Variants in MARS1 observed in about 807,000 individuals in gnomAD.
MARS1 encodes the protein methionyl-tRNA synthetase 1, also known as methionine--tRNA ligase, cytoplasmic.
Under a neutral mutation model 119.5 loss-of-function variants are expected in MARS1, and 80 were observed. The observed-to-expected ratio is 0.67, with a 90% CI of 0.56 to 0.81. MARS1 has a LOEUF of 0.81. MARS1 is among the 30% of genes least tolerant of loss of function. MARS1 has a pLI of 0.00. For missense variants in MARS1, 945 were observed against 1,116.5 expected, an observed-to-expected ratio of 0.85 and a Z score of 2.19; for synonymous variants, 418 against 433.4, an observed-to-expected ratio of 0.96 and a Z score of 0.44.
chr12:57,489,713 G>T, intron 4 of MARS1, 155 bp downstream of exon 4: 1 of 1,178,310 alleles, frequency 8.5e-7, no homozygotes, highest in South Asian at 1.4e-5. Flanking sequence ...ATTTTTTTCA[G>T]TTGTGAAATG....
At chr12:57,492,669 TCACACACACACACACACACACACACACA>T (rs58931225) in intron 7 of MARS1, among the ~76,000 whole-genome samples, 53 of 139,550 alleles carry the variant, frequency 3.8e-4, no homozygotes, top group African/African-American at 1.3e-3. Context: ...CGACTCCATT[TCACACACACACACACACACACACACACA>T]CACACACACA....
Position 57,516,422 on chromosome 12 carries a change from C to T in MARS1, c.2557-13C>T, listed in dbSNP as rs781643044. 2 of 1,612,894 alleles carry T rather than the reference C, an allele frequency of 1.2e-6. No homozygotes were observed. The highest frequency in any genetic ancestry group is 1.3e-5 in the African/African-American group (1 of 74,866). On this transcript the variant is annotated splice_polypyrimidine_tract_variant and intron_variant, in intron 20 of 20. Coordinates refer to ENST00000262027, the MANE Select transcript of MARS1 (RefSeq NM_004990.4). Reference sequence around the variant, plus strand: ...TTGCCTCACTGTTACCTCCCCACCCCCCTTTATCTTAGGGAAACATTGTCC... The same window carrying T: ...TTGCCTCACTGTTACCTCCCCACCCTCCTTTATCTTAGGGAAACATTGTCC...
Position 57,512,905 on chromosome 12 carries a change from G to A in MARS1, c.1908G>A (p.Thr636=), listed in dbSNP as rs529046133. 165 of 1,614,182 alleles carry A rather than the reference G, an allele frequency of 1.0e-4. No individual in the cohort carries two copies. Among genetic ancestry groups the A allele is most frequent in the East Asian group, 3.3e-4 (15 of 44,884 alleles). ...PEGQDSAFSW[T]DLLLKNNSEL... is the part of the protein sequence containing the mutation. ...GCCAGGACAGTGCTTTCTCCTGGAC[G>A]GACCTGCTGCTGAAGAATAATTCTG... The change falls in exon 15 of 21, where the codon ACG becomes ACA. Residue 636 remains threonine (T), a synonymous_variant. Transcript: ENST00000262027.
At chr12:57,515,081 CTAAAGGCA>C in intron 17 of MARS1, 23 bp downstream of exon 17, 1 of 1,613,996 alleles carries the variant, frequency 6.2e-7, no homozygotes, top group South Asian at 1.1e-5. Context: ...GGAGGGTTGG[CTAAAGGCA>C]TAAAGTGGCT....
Position 57,504,220 on chromosome 12 carries a change from C to G in MARS1, c.1294-5C>G, listed in dbSNP as rs149946100. On this transcript the variant is annotated splice_region_variant and splice_polypyrimidine_tract_variant and intron_variant, in intron 10 of 20. Transcript: ENST00000262027. ...TGATCTGTCCTCTGGAATTTTCCTT[C>G]GCAGAAGCCTCAGTGTAAAGTCTGC... The G allele has an allele frequency of 8.7e-6, 14 of 1,613,014 alleles. No homozygotes were observed. In the African/African-American group the frequency reaches 1.5e-4, roughly 17 times the overall value.
chr12:57,498,931 C>T (rs992422067), intron 9 of MARS1, among the ~76,000 whole-genome samples: 1 of 152,128 alleles, frequency 6.6e-6, no homozygotes, highest in Admixed American at 6.6e-5. Flanking sequence ...TCTTCCCACT[C>T]CTGTATGCAT....
chr12:57,492,792 C>T (rs1041351917), intron 7 of MARS1, among the ~76,000 whole-genome samples: 2 of 151,566 alleles, frequency 1.3e-5, no homozygotes, highest in Admixed American at 1.3e-4. Flanking sequence ...GAGGGTGTTT[C>T]AGAGAGAGGA....
rs1027153998 is a variant in MARS1, at chr12:57,515,355, C to G, written c.2391+19C>G. 1.2e-6 allele frequency: 2 copies of G among 1,608,122 alleles called. No individual in the cohort carries two copies. Among genetic ancestry groups the G allele is most frequent in the Non-Finnish European group, 1.7e-6 (2 of 1,178,700 alleles). The stretch of plus-strand genomic sequence containing the variant: ...TGGCACAGTAGGTGGAAGAGCCAGC[C>G]TCTCTTAAAATTGATACTCTTGCCA... On this transcript the variant is annotated intron_variant, in intron 18 of 20. Coordinates refer to ENST00000262027, the MANE Select transcript of MARS1 (RefSeq NM_004990.4).
chr12:57,498,499 C>T lies in MARS1; in HGVS notation c.967C>T (p.Leu323=). The change falls in exon 9 of 21, where the codon CTG becomes TTG. Residue 323 remains leucine, a synonymous_variant. Coordinates refer to ENST00000262027, the MANE Select transcript of MARS1 (RefSeq NM_004990.4). The part of the protein sequence containing the change: ...EYGTATETKA[L]EEGLTPQEIC... ...TGGTACAGCAACAGAGACCAAGGCT[C>T]TGGAGGAGGGACTAACCCCCCAGGA... The T allele has an allele frequency of 6.2e-7, 1 of 1,614,224 alleles. No individual in the cohort carries two copies. The highest frequency in any genetic ancestry group is 1.1e-5 in the South Asian group (1 of 91,080).
At chr12:57,492,299 A>G (rs1433848142) in intron 7 of MARS1, among the ~76,000 whole-genome samples, 2 of 151,360 alleles carry the variant, frequency 1.3e-5, no homozygotes, top group African/African-American at 2.4e-5. Context: ...AAAAAGTCCA[A>G]TGAAGGAAAA....
Position 57,489,981 on chromosome 12 carries a change from G to A in MARS1, c.490+10G>A. 1 of 1,612,774 alleles carries A rather than the reference G, an allele frequency of 6.2e-7. No individual in the cohort carries two copies. Among genetic ancestry groups the A allele is most frequent in the Non-Finnish European group, 8.5e-7 (1 of 1,178,788 alleles). Reference sequence around the variant, plus strand: ...CCCGCCTACCTCCCTGGTGAGAACTGTGCATATCACTCCAACCCTAGGAGC... The same window carrying A: ...CCCGCCTACCTCCCTGGTGAGAACTATGCATATCACTCCAACCCTAGGAGC... On this transcript the variant is annotated intron_variant, in intron 5 of 20. Transcript: ENST00000262027.
chr12:57,493,306 T>C (rs1421808212), intron 7 of MARS1, among the ~76,000 whole-genome samples: 5 of 107,412 alleles, frequency 4.7e-5, no homozygotes, highest in Non-Finnish European at 8.7e-5. Flanking sequence ...ATATATATAA[T>C]ATATATTATA....
Position 57,491,881 on chromosome 12 carries a change from C to T in MARS1, c.770+1237C>T, listed in dbSNP as rs577840514. 1.6e-4 allele frequency among the ~76,000 whole-genome samples: 25 copies of T among 152,268 alleles called. No individual in the cohort carries two copies. In the East Asian group the frequency reaches 4.8e-3, roughly 29 times the overall value. On this transcript the variant is annotated intron_variant, in intron 7 of 20. Transcript: ENST00000262027. ...CCCTGCATGCTAGGAGCTGGGTATA[C>T]AGAGGGGAACAAGACAGACAGGATC...
chr12:57,491,062 T>TTTCA (rs1329732126), intron 7 of MARS1, among the ~76,000 whole-genome samples: 1 of 151,754 alleles, frequency 6.6e-6, no homozygotes, highest in East Asian at 1.9e-4. Flanking sequence ...AGAGACAAGG[T>TTTCA]TTCACCATGT....
chr12:57,516,559 C>A lies in MARS1; in HGVS notation c.2681C>A (p.Pro894His). 6.3e-7 allele frequency: 1 copy of A among 1,583,354 alleles called. No homozygotes were observed. The highest frequency in any genetic ancestry group is 8.5e-7 in the Non-Finnish European group (1 of 1,171,424). ...GCTGAGGGGAAACCCCCTGAAGCCCCTAAAGGCAAGAAGAAAAAGTAAAAG... is the reference window on the plus strand; with the variant it reads ...GCTGAGGGGAAACCCCCTGAAGCCCATAAAGGCAAGAAGAAAAAGTAAAAG... ...AVAEGKPPEA[P>H]KGKKKK The change falls in exon 21 of 21, where the codon CCT becomes CAT. Residue 894 changes from proline (P) to histidine (H), a missense_variant. Physicochemically the swap from Pro to His is moderately conservative, Grantham distance 77. Transcript: ENST00000262027.
At chr12:57,504,695 A>ATT (rs34351056) in intron 11 of MARS1, among the ~76,000 whole-genome samples, 1,943 of 83,496 alleles carry the variant, frequency 0.023, 116 homozygotes, top group East Asian at 0.037. Context: ...TGCCTGACTG[A>ATT]TTTTTTTTTT....
chr12:57,495,042 C>T (rs957018371), intron 7 of MARS1, among the ~76,000 whole-genome samples: 1 of 152,094 alleles, frequency 6.6e-6, no homozygotes, highest in Non-Finnish European at 1.5e-5. Flanking sequence ...GATGGGGTGG[C>T]GGCCGGGCAG....
intron 18 of MARS1, chr12:57,515,545 C>A: frequency 1.7e-6 from 1 of 595,754 alleles, no homozygotes; most frequent in African/African-American, 1.9e-5. Context: ...ACCTGGCACA[C>A]AAAACTAACT....
intron 10 of MARS1, 149 bp downstream of exon 10, chr12:57,500,671 G>A (rs1403500110): frequency 5.7e-6 from 4 of 698,260 alleles, no homozygotes; most frequent in Non-Finnish European, 4.8e-6. Context: ...TCGTCATTTA[G>A]TTCATTTGAA....
Sources: allele counts gnomAD v4.1 joint callset (sites outside exome capture counted in the v4.1 genomes callset), GRCh38; gene constraint gnomAD v4.1.1; transcripts MANE v1.5; gene names NCBI Gene and HGNC (gene_info 2026-07-23, HGNC 2026-07-21).